TBC1D5: variants seen among roughly 807,000 people sequenced by gnomAD.
TBC1D5 encodes TBC1 domain family, member 5.
In TBC1D5, 75 loss-of-function variants were observed where a neutral mutation model predicts 100.3. That is an observed-to-expected ratio of 0.75 (90% CI 0.62 to 0.91). The LOEUF (loss-of-function observed/expected upper bound fraction) is 0.91. TBC1D5 is among the 40% of genes least tolerant of loss of function. The pLI is 0.00. For missense variants in TBC1D5, 910 were observed against 942.4 expected (o/e 0.97, Z 0.45); for synonymous variants, 323 against 325.6 (o/e 0.99, Z 0.09).
chr3:17,438,459 T>C (rs1015836116), intron 3 of TBC1D5, among the ~76,000 whole-genome samples: 12 of 152,166 alleles, frequency 7.9e-5, no homozygotes, highest in African/African-American at 2.9e-4. Context: ...CTTCTCATGA[T>C]AGTGAGTTAG....
intron 3 of TBC1D5, among the ~76,000 whole-genome samples, chr3:17,500,269 A>G (rs2095768766): frequency 6.7e-6 from 1 of 149,736 alleles, no homozygotes; most frequent in East Asian, 1.9e-4. Context: ...ACTCAATGAA[A>G]AAAACATCAG....
exon 22 of TBC1D5, chr3:17,160,815 A>C (rs897381841): frequency 5.2e-5 from 53 of 1,022,872 alleles, no homozygotes; most frequent in Middle Eastern, 6.4e-4. Context: ...CTTCTCTCTA[A>C]GGGGTTTCAA....
upstream of TBC1D5, among the ~76,000 whole-genome samples, chr3:17,741,092 T>C (rs570931409): frequency 3.3e-5 from 5 of 152,352 alleles, no homozygotes; most frequent in East Asian, 5.8e-4. Flanking sequence ...CAACACTTTA[T>C]TTATTTGCAC....
At chr3:17,674,137 A>G (rs1414159019) in intron 1 of TBC1D5, among the ~76,000 whole-genome samples, 1 of 152,272 alleles carries the variant, frequency 6.6e-6, no homozygotes, top group East Asian at 1.9e-4. Flanking sequence ...GACTTTGGAC[A>G]TATCAATTGA....
At chr3:17,741,330 T>C (rs917007261), upstream of TBC1D5, among the ~76,000 whole-genome samples, 4 of 152,220 alleles carry the variant, frequency 2.6e-5, no homozygotes, top group Admixed American at 6.5e-5. Context: ...TTCAGAGATA[T>C]GGTATGAAAA....
intron 2 of TBC1D5, among the ~76,000 whole-genome samples, chr3:17,591,254 A>C (rs1383674906): frequency 1.7e-4 from 22 of 132,984 alleles, no homozygotes; most frequent in African/African-American, 6.3e-4. Flanking sequence ...AAAAAAAAAA[A>C]AAAAAAAAAA....
intron 13 of TBC1D5, among the ~76,000 whole-genome samples, chr3:17,350,030 C>T (rs151296491): frequency 2.8e-4 from 42 of 152,106 alleles, no homozygotes; most frequent in African/African-American, 9.9e-4. Context: ...TATTTATTTA[C>T]TGCAAGAGTG....
intron 13 of TBC1D5, among the ~76,000 whole-genome samples, chr3:17,335,237 T>C (rs557231170): frequency 9.9e-5 from 15 of 152,234 alleles, no homozygotes; most frequent in African/African-American, 3.4e-4. Context: ...AGTTTTTCTC[T>C]GTCAAAAAAT....
At position 17,491,645 on chromosome 3, in the gene TBC1D5, G is replaced by A. The variant is rs188790451; in HGVS notation, c.97+16829C>T. On this transcript the variant is annotated intron_variant, in intron 3 of 21. Coordinates refer to ENST00000253692, the Ensembl canonical transcript of TBC1D5. ...ATATGCTGAACCAGCCTTGCATCCC[G>A]GGGATGAGGTCGACTTGATAATGGT... 7.9e-4 allele frequency among the ~76,000 whole-genome samples: 120 copies of A among 152,196 alleles called. 3 individuals carry two copies. The highest frequency in any genetic ancestry group is 5.8e-3 in the South Asian group (28 of 4,812).
intron 13 of TBC1D5, among the ~76,000 whole-genome samples, chr3:17,323,316 C>A (rs1308633138): frequency 6.6e-6 from 1 of 152,176 alleles, no homozygotes; most frequent in Non-Finnish European, 1.5e-5. Flanking sequence ...TATGAGAAAA[C>A]TGTAGACACA....
intron 13 of TBC1D5, among the ~76,000 whole-genome samples, chr3:17,357,697 C>A (rs545407461): frequency 6.6e-6 from 1 of 152,270 alleles, no homozygotes; most frequent in Non-Finnish European, 1.5e-5. Flanking sequence ...TCCTATGCAA[C>A]AGGCACTGTT....
chr3:17,690,856 T>C (rs189129967), intron 1 of TBC1D5, among the ~76,000 whole-genome samples: 1 of 152,320 alleles, frequency 6.6e-6, no homozygotes, highest in Non-Finnish European at 1.5e-5. Flanking sequence ...GGACTGCTGC[T>C]TTATAAGACT....
chr3:17,642,464 C>T (rs532366704), intron 1 of TBC1D5, among the ~76,000 whole-genome samples: 2 of 152,088 alleles, frequency 1.3e-5, no homozygotes, highest in African/African-American at 4.8e-5. Context: ...AGTCAGTATC[C>T]GTCAGAACTA....
chr3:17,317,940 C>T (rs550383391), intron 13 of TBC1D5, among the ~76,000 whole-genome samples: 116 of 151,788 alleles, frequency 7.6e-4, no homozygotes, highest in Non-Finnish European at 1.4e-3. Flanking sequence ...ATGTTTATTG[C>T]GGCACTATTC....
intron 17 of TBC1D5, among the ~76,000 whole-genome samples, chr3:17,227,997 T>C (rs1218790963): frequency 6.6e-6 from 1 of 151,972 alleles, no homozygotes; most frequent in Non-Finnish European, 1.5e-5. Flanking sequence ...CAAGAAGAGC[T>C]CCTTATTCTC....
chr3:17,538,425 C>T (rs1389496373), intron 2 of TBC1D5, among the ~76,000 whole-genome samples: 1 of 152,090 alleles, frequency 6.6e-6, no homozygotes, highest in Admixed American at 6.5e-5. Context: ...TTCAGCAAAC[C>T]CAAGAACCAT....
intron 8 of TBC1D5, among the ~76,000 whole-genome samples, chr3:17,398,954 T>C (rs78221136): frequency 0.021 from 3,121 of 152,226 alleles, 47 homozygotes; most frequent in Non-Finnish European, 0.033. Flanking sequence ...GCACAAATGA[T>C]TTCCAATTGC....
intron 13 of TBC1D5, among the ~76,000 whole-genome samples, chr3:17,326,837 T>C (rs536508226): frequency 6.6e-6 from 1 of 152,252 alleles, no homozygotes; most frequent in East Asian, 1.9e-4. Flanking sequence ...CTTGCTCCTC[T>C]CACTATCTTT....
At chr3:17,299,002 T>G (rs774769984) in intron 14 of TBC1D5, among the ~76,000 whole-genome samples, 6 of 152,182 alleles carry the variant, frequency 3.9e-5, no homozygotes, top group Non-Finnish European at 7.3e-5. Context: ...AAAGTTTAAT[T>G]TATAAGTTAG....
Sources: gnomAD v4.1 joint callset for allele counts (sites outside exome capture counted in the v4.1 genomes callset) on GRCh38, gnomAD v4.1.1 for gene constraint, MANE v1.5 for transcripts, NCBI Gene and HGNC (gene_info 2026-07-23, HGNC 2026-07-21) for gene names.